GALNT17: variants seen among roughly 807,000 people sequenced by gnomAD.
GALNT17 encodes UDP-GalNAc:polypeptide N-acetylgalactosaminyltransferase-like 3.
In GALNT17, 29 loss-of-function variants were observed where a neutral mutation model predicts 63.7. The ratio of observed to expected loss-of-function variants is 0.46; its 90% CI spans 0.34 to 0.62. The LOEUF (loss-of-function observed/expected upper bound fraction) is 0.62. Ranked by LOEUF, GALNT17 falls within the 20% of genes least tolerant of loss-of-function variation. The pLI is 0.01. For synonymous variants in GALNT17, 305 were observed against 318.3 expected (o/e 0.96, Z 0.45); for missense variants, 603 against 799.6 (o/e 0.75, Z 2.97).
At chr7:71,539,626 A>G (rs1013509151) in intron 5 of GALNT17, among the ~76,000 whole-genome samples, 2 of 150,726 alleles carry the variant, frequency 1.3e-5, no homozygotes, top group Admixed American at 1.3e-4. Context: ...TGTCATTTAA[A>G]TTATTCTGTA....
At chr7:71,609,819 A>G (rs530894405) in intron 6 of GALNT17, among the ~76,000 whole-genome samples, 3 of 152,280 alleles carry the variant, frequency 2.0e-5, no homozygotes, top group Admixed American at 6.5e-5. Context: ...AGTTATTATT[A>G]ATAACTATCT....
At position 71,391,728 on chromosome 7, in the gene GALNT17, C is replaced by T. The variant is rs572129919; in HGVS notation, c.589+3327C>T. 1.4e-4 allele frequency among the ~76,000 whole-genome samples: 21 copies of T among 152,178 alleles called. 1 individual carries two copies. The South Asian group carries it at 4.4e-3, about 32-fold the overall frequency. ...TCTCAAACTCCTGGGCTCAAATGAT[C>T]CTCCTGCCTCAGCCTCCCAATGTGC... On this transcript the variant is annotated intron_variant, in intron 3 of 10. Coordinates refer to ENST00000333538, the MANE Select transcript of GALNT17 (RefSeq NM_022479.3).
At chr7:71,629,950 A>C (rs530572820) in intron 6 of GALNT17, among the ~76,000 whole-genome samples, 2 of 150,180 alleles carry the variant, frequency 1.3e-5, no homozygotes, top group African/African-American at 4.9e-5. Context: ...ATACCTCCCA[A>C]ACAGTTGAGC....
At chr7:71,621,541 GGATTGATGGATA>G (rs1226307200) in intron 6 of GALNT17, among the ~76,000 whole-genome samples, 34 of 65,518 alleles carry the variant, frequency 5.2e-4, no homozygotes, top group South Asian at 1.4e-3. Context: ...ATGGATTGAT[GGATTGATGGATA>G]GATGGATGGA....
intron 6 of GALNT17, among the ~76,000 whole-genome samples, chr7:71,603,428 A>G (rs1789997062): frequency 6.6e-6 from 1 of 152,116 alleles, no homozygotes; most frequent in Admixed American, 6.5e-5. Flanking sequence ...CTAAGTGCAT[A>G]TACCAGATAC....
chr7:71,332,195 CAT>C (rs1195906055), intron 1 of GALNT17, among the ~76,000 whole-genome samples: 3 of 152,170 alleles, frequency 2.0e-5, no homozygotes, highest in Non-Finnish European at 2.9e-5. Context: ...TTCAGACAAA[CAT>C]ATGTGTAGTC....
At chr7:71,372,220 A>G (rs1226099916) in intron 2 of GALNT17, among the ~76,000 whole-genome samples, 1 of 152,156 alleles carries the variant, frequency 6.6e-6, no homozygotes, top group Non-Finnish European at 1.5e-5. Context: ...GCCCGAGTGC[A>G]GTGGCACAAT....
At chr7:71,467,544 T>A (rs1787555649) in intron 5 of GALNT17, among the ~76,000 whole-genome samples, 1 of 152,076 alleles carries the variant, frequency 6.6e-6, no homozygotes, top group African/African-American at 2.4e-5. Flanking sequence ...TTTTTCAAAG[T>A]TAGGAACATC....
intron 1 of GALNT17, among the ~76,000 whole-genome samples, chr7:71,275,301 C>T (rs1790663219): frequency 6.6e-6 from 1 of 152,140 alleles, no homozygotes; most frequent in Non-Finnish European, 1.5e-5. Flanking sequence ...TGTAGTGACT[C>T]ACGCCTGTAA....
chr7:71,354,940 G>C (rs1465646629), intron 2 of GALNT17, among the ~76,000 whole-genome samples: 1 of 152,062 alleles, frequency 6.6e-6, no homozygotes, highest in African/African-American at 2.4e-5. Flanking sequence ...CCTTTCCCTA[G>C]GAAATTATCC....
At chr7:71,426,850 C>T (rs543776358) in intron 5 of GALNT17, among the ~76,000 whole-genome samples, 9 of 151,568 alleles carry the variant, frequency 5.9e-5, no homozygotes, top group South Asian at 2.1e-4. Context: ...AACTTGGAGG[C>T]GGAGGTTGCA....
chr7:71,537,373 T>C (rs1788818376), intron 5 of GALNT17, among the ~76,000 whole-genome samples: 2 of 152,076 alleles, frequency 1.3e-5, no homozygotes, highest in African/African-American at 4.8e-5. Flanking sequence ...TGTGAACTTG[T>C]TTGGAAAGAG....
intron 8 of GALNT17, among the ~76,000 whole-genome samples, chr7:71,671,236 A>G (rs1791065042): frequency 6.6e-6 from 1 of 152,106 alleles, no homozygotes; most frequent in African/African-American, 2.4e-5. Context: ...TTGAGATGGA[A>G]TCGGTGACAC....
At chr7:71,599,262 G>C (rs926054594) in intron 6 of GALNT17, among the ~76,000 whole-genome samples, 1 of 152,160 alleles carries the variant, frequency 6.6e-6, no homozygotes. Flanking sequence ...AGACTGACTT[G>C]GTCCAATTGC....
intron 5 of GALNT17, among the ~76,000 whole-genome samples, chr7:71,473,951 A>T (rs1489164611): frequency 1.3e-5 from 2 of 152,204 alleles, no homozygotes; most frequent in Non-Finnish European, 2.9e-5. Context: ...GGAATAAAGA[A>T]TGGCTACTCC....
chr7:71,155,400 A>G (rs1788216508), intron 1 of GALNT17, among the ~76,000 whole-genome samples: 1 of 151,590 alleles, frequency 6.6e-6, no homozygotes, highest in Non-Finnish European at 1.5e-5. Context: ...TAGCCGCCAC[A>G]GTAGCTGGGA....
intron 5 of GALNT17, among the ~76,000 whole-genome samples, chr7:71,528,137 G>T (rs545870287): frequency 4.2e-4 from 64 of 152,244 alleles, no homozygotes; most frequent in African/African-American, 1.5e-3. Flanking sequence ...TGCTGTTTTT[G>T]ATATCATCTT....
At chr7:71,631,856 C>T (rs1790456938) in intron 6 of GALNT17, among the ~76,000 whole-genome samples, 1 of 152,050 alleles carries the variant, frequency 6.6e-6, no homozygotes, top group Non-Finnish European at 1.5e-5. Context: ...CGTGTCTGTG[C>T]TGGTGTTTTC....
chr7:71,460,482 G>A (rs1787434363), intron 5 of GALNT17, among the ~76,000 whole-genome samples: 2 of 152,158 alleles, frequency 1.3e-5, no homozygotes, highest in Admixed American at 1.3e-4. Context: ...AGGATAAGTA[G>A]ATCTCACACC....
Sources: allele counts gnomAD v4.1 joint callset (sites outside exome capture counted in the v4.1 genomes callset), GRCh38; gene constraint gnomAD v4.1.1; transcripts MANE v1.5; gene names NCBI Gene and HGNC (gene_info 2026-07-23, HGNC 2026-07-21).